Variants in NTRK3 observed in about 807,000 individuals in gnomAD.
NTRK3 encodes the protein neurotrophic receptor tyrosine kinase 3, also known as NT-3 growth factor receptor.
Under a neutral mutation model 91.7 loss-of-function variants are expected in NTRK3, and 24 were observed. The observed-to-expected ratio is 0.26, with a 90% CI of 0.19 to 0.37. The LOEUF (loss-of-function observed/expected upper bound fraction) is 0.37, where lower values mean the gene tolerates loss of function less well. Ranked by LOEUF, NTRK3 falls within the 10% of genes least tolerant of loss-of-function variation. NTRK3 has a pLI of 1.00. For synonymous variants in NTRK3, 483 were observed against 404.0 expected (o/e 1.20, Z -2.34); for missense variants, 880 against 1,068.9 (o/e 0.82, Z 2.46).
chr15:87,869,402 C>T (rs1317576058), exon 19 of NTRK3: 1 of 226,394 alleles, frequency 4.4e-6, no homozygotes, highest in East Asian at 6.3e-5. Flanking sequence ...TAGATGTCAA[C>T]ATCGTCTGAC....
intron 13 of NTRK3, among the ~76,000 whole-genome samples, chr15:88,086,285 A>C (rs2048491767): frequency 6.6e-6 from 1 of 152,158 alleles, no homozygotes; most frequent in African/African-American, 2.4e-5. Context: ...GCAATGTCCA[A>C]CTCAGTAGCC....
In NTRK3 at chr15:88,237,760, A is replaced by G. The variant is rs1001500760; in HGVS notation, c.248+18146T>C. On this transcript the variant is annotated intron_variant, in intron 3 of 18. Transcript: ENST00000394480. This position sits in a 1 kb window ranked among gnomAD's most constrained non-coding sequence, Gnocchi z 4.0. The stretch of plus-strand genomic sequence containing the variant: ...TTGGGCATTCGCAACAAGACACACC[A>G]AAATAAAATGAGAAAAAAAAAATCA... Among the ~76,000 whole-genome samples the G allele has an allele frequency of 3.9e-5, 6 of 152,136 alleles. No homozygotes were observed. Among genetic ancestry groups the G allele is most frequent in the African/African-American group, 1.4e-4 (6 of 41,406 alleles).
intron 5 of NTRK3, among the ~76,000 whole-genome samples, chr15:88,162,507 C>A (rs2044553543): frequency 6.6e-6 from 1 of 152,182 alleles, no homozygotes; most frequent in Non-Finnish European, 1.5e-5. Flanking sequence ...GTTTCCAAAT[C>A]CTTGAAAGAA....
intron 17 of NTRK3, among the ~76,000 whole-genome samples, chr15:87,897,330 C>G (rs182200131): frequency 0.084 from 12,825 of 152,090 alleles, 1,534 homozygotes; most frequent in African/African-American, 0.27. Flanking sequence ...CTCTTTCTGA[C>G]ACCTCATTGT....
chr15:87,973,401 GA>G (rs2073427216), intron 14 of NTRK3, among the ~76,000 whole-genome samples: 1 of 152,144 alleles, frequency 6.6e-6, no homozygotes, highest in African/African-American at 2.4e-5. Context: ...GCAGACAAGG[GA>G]CTTATCTCTT....
At chr15:87,931,221 G>A (rs1481707164) in intron 16 of NTRK3, 6 of 518,308 alleles carry the variant, frequency 1.2e-5, no homozygotes, top group South Asian at 4.2e-5. Context: ...GGTGGCTCTT[G>A]GGGCTGGAGA....
intron 13 of NTRK3, among the ~76,000 whole-genome samples, chr15:88,036,671 A>G (rs1456098770): frequency 6.6e-6 from 1 of 152,202 alleles, no homozygotes; most frequent in African/African-American, 2.4e-5. Context: ...GACAGGATCC[A>G]TGCCCAGGCT....
intron 13 of NTRK3, among the ~76,000 whole-genome samples, chr15:88,076,667 A>T (rs1036049223): frequency 2.2e-5 from 2 of 89,848 alleles, no homozygotes; most frequent in African/African-American, 4.4e-5. Context: ...GTAAGTATAC[A>T]TATGTAAAAA....
intron 5 of NTRK3, among the ~76,000 whole-genome samples, chr15:88,172,962 G>A (rs2045655656): frequency 1.3e-5 from 2 of 152,156 alleles, no homozygotes; most frequent in African/African-American, 4.8e-5. Context: ...AGGGGACTGG[G>A]AATTTACTTT....
intron 13 of NTRK3, among the ~76,000 whole-genome samples, chr15:88,076,672 T>TAAAAAAAAAAAAAA (rs34053167): frequency 8.3e-6 from 1 of 120,410 alleles, no homozygotes. Flanking sequence ...TATACATATG[T>TAAAAAAAAAAAAAA]AAAAAAAAAA....
intron 14 of NTRK3, among the ~76,000 whole-genome samples, chr15:87,954,725 A>G (rs1345865447): frequency 6.6e-6 from 1 of 152,206 alleles, no homozygotes; most frequent in African/African-American, 2.4e-5. Context: ...ATGGTTACTA[A>G]TTTAACATGT....
exon 19 of NTRK3, chr15:87,865,575 A>G (rs1416564908): frequency 4.6e-6 from 1 of 217,118 alleles, no homozygotes; most frequent in African/African-American, 2.2e-5. Context: ...GTACCACTTA[A>G]AAATCATTAT....
chr15:88,060,383 C>CA (rs11289394), intron 13 of NTRK3, among the ~76,000 whole-genome samples: 7,892 of 86,142 alleles, frequency 0.092, 725 homozygotes, highest in African/African-American at 0.25. Context: ...GACTCCATCT[C>CA]AAAAAAAAAA....
intron 14 of NTRK3, among the ~76,000 whole-genome samples, chr15:87,953,122 A>G (rs2071310993): frequency 1.3e-5 from 2 of 152,132 alleles, no homozygotes; most frequent in South Asian, 4.2e-4. Flanking sequence ...CAGATGTTAA[A>G]CGCACTGGCC....
At chr15:88,113,317 T>C (rs970750703) in intron 13 of NTRK3, among the ~76,000 whole-genome samples, 3 of 88,158 alleles carry the variant, frequency 3.4e-5, no homozygotes, top group Non-Finnish European at 7.7e-5. Flanking sequence ...ATTTCTTTTT[T>C]TTTTTTTTTT....
chr15:87,862,344 G>C (rs1167590680), exon 19 of NTRK3: 1 of 224,990 alleles, frequency 4.4e-6, no homozygotes, highest in East Asian at 6.4e-5. Flanking sequence ...ATTCCTAAAA[G>C]AAACCCCTTA....
intron 13 of NTRK3, among the ~76,000 whole-genome samples, chr15:88,057,359 G>T (rs940264184): frequency 6.6e-6 from 1 of 151,428 alleles, no homozygotes; most frequent in East Asian, 2.0e-4. Flanking sequence ...TTAGCCGGGC[G>T]TGGTGGCAGG....
chr15:88,246,973 G>A (rs1172270759), intron 3 of NTRK3, among the ~76,000 whole-genome samples: 2 of 152,180 alleles, frequency 1.3e-5, no homozygotes, highest in Non-Finnish European at 2.9e-5. Flanking sequence ...GCCCAGGACC[G>A]TCTCGTGCGC....
intron 14 of NTRK3, chr15:87,981,121 C>G: frequency 6.5e-7 from 1 of 1,534,344 alleles, no homozygotes; most frequent in Non-Finnish European, 8.8e-7. Context: ...GTACCTCAGT[C>G]CACGAAATAT....
Sources: allele counts gnomAD v4.1 joint callset (sites outside exome capture counted in the v4.1 genomes callset), GRCh38; gene constraint gnomAD v4.1.1; non-coding constraint Gnocchi (gnomAD v3.1); transcripts MANE v1.5; gene names NCBI Gene and HGNC (gene_info 2026-07-23, HGNC 2026-07-21).